BRI3: variants seen among roughly 807,000 people sequenced by gnomAD.
The protein encoded by BRI3 is brain protein I3, also known as membrane protein BRI3.
In BRI3, 6 loss-of-function variants were observed where a neutral mutation model predicts 12.8. The ratio of observed to expected loss-of-function variants is 0.47; its 90% CI spans 0.26 to 0.93. The LOEUF (loss-of-function observed/expected upper bound fraction) is 0.93. BRI3 is among the 40% of genes least tolerant of loss of function. The probability of loss-of-function intolerance (pLI) is 0.15; values close to 1 mark genes in which losing one functional copy is unlikely to be tolerated. For synonymous variants in BRI3, 91 were observed against 76.1 expected (o/e 1.20, Z -1.02); for missense variants, 134 against 171.1 (o/e 0.78, Z 1.21).
chr7:98,312,380 G>A, downstream of BRI3: 2 of 1,178,938 alleles, frequency 1.7e-6, no homozygotes, highest in Non-Finnish European at 2.4e-6. Context: ...AGGAGTGTGG[G>A]GGCCCTGGGT....
At chr7:98,289,990 A>C (rs1412435247) in intron 2 of BRI3, among the ~76,000 whole-genome samples, 3 of 152,144 alleles carry the variant, frequency 2.0e-5, no homozygotes, top group African/African-American at 7.2e-5. Context: ...ACATTTCTCA[A>C]AATAAGTGGC....
At position 98,291,296 on chromosome 7, in the gene BRI3, A is replaced by C. The variant is rs1370244152; in HGVS notation, c.*53A>C. 56 of 1,608,862 alleles carry C rather than the reference A, an allele frequency of 3.5e-5. No individual in the cohort carries two copies. The highest frequency in any genetic ancestry group is 4.8e-5 in the Non-Finnish European group (56 of 1,178,250). On this transcript the variant is annotated 3_prime_UTR_variant, in exon 3 of 3. Coordinates refer to ENST00000297290, the MANE Select transcript of BRI3 (RefSeq NM_015379.5). ...ACCCAGCTCTCTTTTTCTAATGTAA[A>C]TGTTGTGTACAATAATTTTATTTGA...
At chr7:98,312,333 C>G (rs1485379684), downstream of BRI3, 8 of 1,479,146 alleles carry the variant, frequency 5.4e-6, no homozygotes, top group African/African-American at 9.9e-5. Context: ...AATGACATCA[C>G]GTCATATCGC....
At chr7:98,282,329 T>C (rs1304696417) in intron 1 of BRI3, 22 bp from the exon 2 acceptor site, 3 of 1,590,372 alleles carry the variant, frequency 1.9e-6, no homozygotes, top group East Asian at 2.2e-5. Context: ...TGCACCCTAA[T>C]GACCTGCTTT....
At chr7:98,290,859 T>TGAATGTTACATGTAGTGATTAA (rs1281483905) in intron 2 of BRI3, among the ~76,000 whole-genome samples, 1 of 152,250 alleles carries the variant, frequency 6.6e-6, no homozygotes, top group African/African-American at 2.4e-5. Flanking sequence ...CCGTTTTCTT[T>TGAATGTTACATGTAGTGATTAA]GAATGTTACA....
upstream of BRI3, among the ~76,000 whole-genome samples, chr7:98,305,968 C>T (rs2116850553): frequency 6.6e-6 from 1 of 152,206 alleles, no homozygotes. Flanking sequence ...GGGTGACTCC[C>T]AAGAACACTG....
Position 98,291,135 on chromosome 7 carries a change from C to T in BRI3, c.270C>T (p.Phe90=). 11 of 1,614,212 alleles carry T rather than the reference C, an allele frequency of 6.8e-6. No individual in the cohort carries two copies. The highest frequency in any genetic ancestry group is 8.5e-6 in the Non-Finnish European group (10 of 1,180,044). ...GGGTTGGGGTGCTGGAGGACTGCTT[C>T]ACCTTCCTGGGCATCTTCCTGGCCA... ...VCRVGVLEDC[F]TFLGIFLAII... is the part of the protein sequence containing the mutation. The change falls in exon 3 of 3, where the codon TTC becomes TTT. Residue 90 remains phenylalanine, a synonymous_variant. Coordinates refer to ENST00000297290, the MANE Select transcript of BRI3 (RefSeq NM_015379.5).
chr7:98,306,637 G>T, exon 1 of BRI3: 1 of 1,418,624 alleles, frequency 7.0e-7, no homozygotes, highest in Admixed American at 2.2e-5. Flanking sequence ...GCCCATGTGT[G>T]GAGGAAATGA....
At chr7:98,321,879 C>T in the BRI3 span, among the ~76,000 whole-genome samples, 5 of 152,148 alleles carry the variant, frequency 3.3e-5, no homozygotes, top group African/African-American at 4.8e-5. Flanking sequence ...GGGAGTATCA[C>T]GAGGTAAGGA....
At chr7:98,295,070 C>CTCCCA, downstream of BRI3, among the ~76,000 whole-genome samples, 1 of 152,236 alleles carries the variant, frequency 6.6e-6, no homozygotes, top group Admixed American at 6.5e-5. Flanking sequence ...CCCCAGGAAG[C>CTCCCA]GTCCCAGCAC....
downstream of BRI3, among the ~76,000 whole-genome samples, chr7:98,297,057 C>T (rs913417312): frequency 7.2e-5 from 11 of 152,212 alleles, no homozygotes; most frequent in African/African-American, 2.7e-4. Context: ...GTCCTGTGTC[C>T]CCAACAAGAC....
chr7:98,297,366 C>T (rs533556697), downstream of BRI3, among the ~76,000 whole-genome samples: 63 of 152,262 alleles, frequency 4.1e-4, no homozygotes, highest in African/African-American at 1.3e-3. Flanking sequence ...AGAGGGGTCC[C>T]GGGCAGCTCG....
exon 2 of BRI3, chr7:98,307,637 G>A: frequency 6.2e-7 from 1 of 1,604,078 alleles, no homozygotes; most frequent in Non-Finnish European, 8.5e-7. Context: ...TGGCTGCTCT[G>A]GAAGGGAGGG....
exon 2 of BRI3, chr7:98,309,179 C>G (rs550477136): frequency 6.6e-6 from 1 of 152,356 alleles, no homozygotes; most frequent in East Asian, 1.9e-4. Context: ...GAGACAGAGT[C>G]TCGCTCTGTC....
At chr7:98,283,320 G>C (rs533548080) in intron 2 of BRI3, among the ~76,000 whole-genome samples, 1 of 152,162 alleles carries the variant, frequency 6.6e-6, no homozygotes, top group African/African-American at 2.4e-5. Flanking sequence ...AAGGCCTAGA[G>C]TGGAGTCACG....
At chr7:98,293,082 A>AT, downstream of BRI3, 1 of 607,098 alleles carries the variant, frequency 1.6e-6, no homozygotes, top group Non-Finnish European at 2.1e-6. Flanking sequence ...TAAGATGCAA[A>AT]CTTACGTGAT....
At chr7:98,299,979 T>C (rs1443700529) in intron 1 of BRI3, among the ~76,000 whole-genome samples, 2 of 152,148 alleles carry the variant, frequency 1.3e-5, no homozygotes, top group Non-Finnish European at 2.9e-5. Flanking sequence ...AAGTGGAGGT[T>C]GCTGTGAACC....
At chr7:98,289,709 T>C (rs969638815) in intron 2 of BRI3, among the ~76,000 whole-genome samples, 2 of 152,222 alleles carry the variant, frequency 1.3e-5, no homozygotes, top group Non-Finnish European at 2.9e-5. Flanking sequence ...GCCTGTCTGG[T>C]GGGAGCAAAG....
upstream of BRI3, among the ~76,000 whole-genome samples, chr7:98,302,697 A>AC (rs1315395370): frequency 6.6e-6 from 1 of 152,128 alleles, no homozygotes; most frequent in Non-Finnish European, 1.5e-5. Flanking sequence ...CAGAGGGGGG[A>AC]CCTGTAGCTA....
Sources: allele counts gnomAD v4.1 joint callset (sites outside exome capture counted in the v4.1 genomes callset), GRCh38; gene constraint gnomAD v4.1.1; transcripts MANE v1.5; gene names NCBI Gene and HGNC (gene_info 2026-07-23, HGNC 2026-07-21).